The following TYW5 variants were observed in gnomAD, a reference collection of about 807,000 sequenced individuals.
The protein encoded by TYW5 is tRNA wybutosine-synthesizing protein 5.
Under a neutral mutation model 44.4 loss-of-function variants are expected in TYW5, and 36 were observed. That is an observed-to-expected ratio of 0.81 (90% CI 0.62 to 1.07). The LOEUF (loss-of-function observed/expected upper bound fraction) is 1.07, where lower values mean the gene tolerates loss of function less well. TYW5 is among the 50% of genes least tolerant of loss of function. The probability of loss-of-function intolerance (pLI) is 0.00; values close to 1 mark genes in which losing one functional copy is unlikely to be tolerated. For synonymous variants in TYW5, 121 were observed against 128.1 expected (o/e 0.94, Z 0.37); for missense variants, 354 against 365.7 (o/e 0.97, Z 0.26).
intron 1 of TYW5, 185 bp downstream of exon 1, chr2:199,955,208 T>C (rs2077586276): frequency 2.0e-5 from 12 of 586,498 alleles, no homozygotes; most frequent in Admixed American, 1.5e-4. Flanking sequence ...GAAATTTCAA[T>C]AGAGGAGCCA....
Position 199,936,443 on chromosome 2 carries a change from A to G in TYW5, c.536T>C (p.Leu179Pro), listed in dbSNP as rs774690627. The change falls in exon 6 of 8, where the codon CTC (leucine) becomes CCC (proline). Residue 179 changes from leucine (L) to proline (P), a missense_variant. Transcript: ENST00000354611. The stretch of plus-strand genomic sequence containing the variant: ...ATACTGGGCATCTCGAGGACTGAAG[A>G]GTACAACACGCTTTTTTCCTGTCAC... The part of the protein sequence containing the change: ...IQVTGKKRVV[L>P]FSPRDAQYLY... 6.2e-7 allele frequency: 1 copy of G among 1,613,482 alleles called. No homozygotes were observed.
At chr2:199,939,112 C>A in intron 4 of TYW5, 42 bp from the exon 5 acceptor site, 1 of 1,544,038 alleles carries the variant, frequency 6.5e-7, no homozygotes, top group Non-Finnish European at 8.7e-7. Flanking sequence ...TAGATTAGAC[C>A]CTATGATATT....
chr2:199,945,388 A>T (rs1050815827), intron 2 of TYW5: 2 of 152,238 alleles, frequency 1.3e-5, no homozygotes, highest in Non-Finnish European at 2.9e-5. Flanking sequence ...TGTCAGTCTG[A>T]ACTTGAGGCC....
At position 199,948,403 on chromosome 2, in the gene TYW5, T is replaced by C. The variant is rs10497844; in HGVS notation, c.148A>G (p.Ser50Gly). ...CTSKWTVDYL[S>G]QVGGKKEVKI... ...ACTTCTTTCTTCCCTCCAACTTGGC[T>C]TAGGTAATCCACTGTCCATTTGCTT... Residue 50 changes from serine (S) to glycine (G), a missense_variant, in exon 2 of 8, where the codon AGC (serine) becomes GGC (glycine). Ser to Gly is a moderately conservative substitution (Grantham distance 56, BLOSUM62 0). Coordinates refer to ENST00000354611, the MANE Select transcript of TYW5 (RefSeq NM_001039693.3). 66,428 of 1,614,128 alleles carry C rather than the reference T, an allele frequency of 0.041. 2,250 individuals carry two copies. The highest frequency in any genetic ancestry group is 0.17 in the East Asian group (7,567 of 44,852).
chr2:199,933,058 C>A lies in TYW5; in HGVS notation c.*9G>T. ...AAAGTGTTAATGTGCATTGCATTCA[C>A]TTCATTATTTACTCAGAGTTCTTGC... On this transcript the variant is annotated 3_prime_UTR_variant, in exon 8 of 8. Transcript: ENST00000354611. 1 of 1,612,848 alleles carries A rather than the reference C, an allele frequency of 6.2e-7. No homozygotes were observed. Among genetic ancestry groups the A allele is most frequent in the Non-Finnish European group, 8.5e-7 (1 of 1,179,516 alleles).
At chr2:199,936,091 G>T (rs201142208) in intron 6 of TYW5, 44 bp from the exon 7 acceptor site, 605 of 1,141,820 alleles carry the variant, frequency 5.3e-4, no homozygotes, top group Middle Eastern at 2.3e-3. Context: ...AGCAAAGTTA[G>T]CATTTTAAAA....
Position 199,936,065 on chromosome 2 carries a change from G to A in TYW5, c.575-18C>T, listed in dbSNP as rs762971577. On this transcript the variant is annotated intron_variant, in intron 6 of 7. Transcript: ENST00000354611. ...TTTAGTACCTAAAAAGTTCCAAAAA[G>A]GGATAATATAGATTCAGCAAAGTTA... 6.1e-5 allele frequency: 84 copies of A among 1,368,544 alleles called. No individual in the cohort carries two copies. Among genetic ancestry groups the A allele is most frequent in the Non-Finnish European group, 8.1e-5 (79 of 970,658 alleles). 84.8% of individuals were successfully genotyped at this position (1,368,544 alleles called of 1,614,324 possible).
chr2:199,951,788 A>G (rs375941029), intron 1 of TYW5, among the ~76,000 whole-genome samples: 28 of 152,120 alleles, frequency 1.8e-4, no homozygotes, highest in Middle Eastern at 6.8e-3. Flanking sequence ...AGGCCGAGGC[A>G]GGCGGATCAC....
chr2:199,950,345 C>G (rs1189462203), intron 1 of TYW5, among the ~76,000 whole-genome samples: 1 of 152,128 alleles, frequency 6.6e-6, no homozygotes, highest in African/African-American at 2.4e-5. Flanking sequence ...TAATGACTTG[C>G]AAAATCCCAG....
intron 1 of TYW5, among the ~76,000 whole-genome samples, chr2:199,952,822 GTTTCA>G (rs1290075742): frequency 1.3e-5 from 2 of 152,160 alleles, no homozygotes; most frequent in African/African-American, 2.4e-5. Flanking sequence ...AACTTGTGTA[GTTTCA>G]TTTCTTTACA....
rs2077372369 is a variant in TYW5, at chr2:199,930,949, T to C, written c.*2118A>G. The stretch of plus-strand genomic sequence containing the variant: ...AGCTAACATACACTGTATAAGATTT[T>C]ATACATTAAAAACAAACATCTCATT... On this transcript the variant is annotated 3_prime_UTR_variant, in exon 8 of 8. Transcript: ENST00000354611. 1 of 152,204 alleles carries C rather than the reference T, an allele frequency of 6.6e-6. No individual in the cohort carries two copies. Among genetic ancestry groups the C allele is most frequent in the Admixed American group, 6.5e-5 (1 of 15,282 alleles). 9.4% of individuals were successfully genotyped at this position (152,204 alleles called of 1,614,324 possible). A position where few individuals can be genotyped will look rare whatever the true frequency, so the allele number is the denominator to read the frequency against.
intron 1 of TYW5, among the ~76,000 whole-genome samples, chr2:199,953,928 C>T (rs890470648): frequency 4.6e-5 from 7 of 152,340 alleles, no homozygotes; most frequent in South Asian, 4.1e-4. Context: ...CTAATCTTCA[C>T]AACACTGCCC....
At chr2:199,954,789 T>C (rs891295690) in intron 1 of TYW5, among the ~76,000 whole-genome samples, 2 of 152,214 alleles carry the variant, frequency 1.3e-5, no homozygotes, top group African/African-American at 2.4e-5. Flanking sequence ...TTGCTGGGTA[T>C]TTTTCCTACC....
intron 1 of TYW5, among the ~76,000 whole-genome samples, chr2:199,950,404 G>A (rs2077535425): frequency 1.3e-5 from 2 of 152,078 alleles, no homozygotes; most frequent in South Asian, 4.1e-4. Flanking sequence ...GCCACTGTTA[G>A]GTCACACCAC....
chr2:199,934,513 C>CT (rs5837715), intron 7 of TYW5, among the ~76,000 whole-genome samples: 17,554 of 151,868 alleles, frequency 0.12, 1,455 homozygotes, highest in Admixed American at 0.25. Flanking sequence ...AAAAAGTCAA[C>CT]TTTTTATAAA....
chr2:199,952,253 A>G (rs2077551531), intron 1 of TYW5, among the ~76,000 whole-genome samples: 1 of 152,174 alleles, frequency 6.6e-6, no homozygotes, highest in Non-Finnish European at 1.5e-5. Flanking sequence ...CTAAATGAGG[A>G]ATTACTGGGT....
chr2:199,951,584 G>C (rs2077545198), intron 1 of TYW5, among the ~76,000 whole-genome samples: 1 of 152,034 alleles, frequency 6.6e-6, no homozygotes, highest in South Asian at 2.1e-4. Context: ...ATGCATAACT[G>C]ATCTCATTAA....
intron 7 of TYW5, among the ~76,000 whole-genome samples, chr2:199,933,723 T>C (rs2077398147): frequency 6.6e-6 from 1 of 152,178 alleles, no homozygotes; most frequent in African/African-American, 2.4e-5. Flanking sequence ...TTGAGGAGTA[T>C]CTTTGACCTT....
intron 7 of TYW5, 127 bp downstream of exon 7, chr2:199,935,804 C>T (rs557400794): frequency 1.1e-5 from 7 of 633,202 alleles, no homozygotes; most frequent in Admixed American, 7.6e-5. Flanking sequence ...GTCTAAAAAT[C>T]ATCTTGTATA....
Sources: allele counts gnomAD v4.1 joint callset (sites outside exome capture counted in the v4.1 genomes callset), GRCh38; gene constraint gnomAD v4.1.1; transcripts MANE v1.5; gene names NCBI Gene and HGNC (gene_info 2026-07-23, HGNC 2026-07-21).